The following TUSC3 variants were observed in gnomAD, a reference collection of about 807,000 sequenced individuals.
TUSC3 encodes the protein dolichyl-diphosphooligosaccharide--protein glycosyltransferase subunit TUSC3.
A neutral mutation model predicts 44.8 loss-of-function variants in TUSC3; 45 were observed. The ratio of observed to expected loss-of-function variants is 1.00; its 90% CI spans 0.79 to 1.29. TUSC3 has a LOEUF of 1.29. Ranked by LOEUF, TUSC3 falls within the 50% of genes most tolerant of loss-of-function variation. The pLI is 0.00. For synonymous variants in TUSC3, 212 were observed against 152.9 expected (o/e 1.39, Z -2.85); for missense variants, 519 against 437.9 (o/e 1.19, Z -1.65).
intron 7 of TUSC3, among the ~76,000 whole-genome samples, chr8:15,735,902 G>A (rs1205988055): frequency 1.1e-5 from 1 of 87,804 alleles, no homozygotes; most frequent in South Asian, 3.1e-4. Flanking sequence ...GTTTTTTTTT[G>A]TATTTTTAGT....
chr8:15,568,931 A>G (rs927854899), intron 1 of TUSC3, among the ~76,000 whole-genome samples: 2 of 151,952 alleles, frequency 1.3e-5, no homozygotes, highest in East Asian at 1.9e-4. Context: ...TTTTCTGGCA[A>G]GGCACATTGG....
At chr8:15,425,880 G>A (rs1186814339) in intron 1 of TUSC3, among the ~76,000 whole-genome samples, 1 of 152,108 alleles carries the variant, frequency 6.6e-6, no homozygotes, top group African/African-American at 2.4e-5. Context: ...GACAAGTGTG[G>A]TAGCTCATGC....
intron 2 of TUSC3, among the ~76,000 whole-genome samples, chr8:15,514,091 A>G (rs1801179012): frequency 6.6e-6 from 1 of 152,196 alleles, no homozygotes; most frequent in Non-Finnish European, 1.5e-5. Context: ...CCAAATATGC[A>G]TTAACAAAGA....
rs1265955548 is a variant in TUSC3 at position 15,423,984 on chromosome 8, T to G, written n.91+6679T>G. ...GTTTTGCTTTGTTTTTTTTTTTTTT[T>G]TTTTTTTTTTTTTTTTTTTTTTTGA... On this transcript the variant is annotated intron_variant and non_coding_transcript_variant, in intron 1 of 5. Transcript: ENST00000503191. 7.5e-4 allele frequency among the ~76,000 whole-genome samples: 94 copies of G among 126,064 alleles called. 7 individuals are homozygous for G. Among genetic ancestry groups the G allele is most frequent in the African/African-American group, 1.5e-3 (54 of 35,108 alleles). 82.7% of individuals were successfully genotyped at this position (126,064 alleles called of 152,430 possible).
chr8:15,584,197 A>G (rs1291975803), intron 1 of TUSC3, among the ~76,000 whole-genome samples: 1 of 152,184 alleles, frequency 6.6e-6, no homozygotes, highest in Admixed American at 6.5e-5. Context: ...GGTTAATTTG[A>G]GTAATTAGAG....
chr8:15,598,769 G>A (rs1804167100), intron 1 of TUSC3, among the ~76,000 whole-genome samples: 1 of 151,698 alleles, frequency 6.6e-6, no homozygotes, highest in Admixed American at 6.6e-5. Context: ...TTCATGGTTT[G>A]ATAGCTCATT....
At chr8:15,467,698 A>G (rs1800431746) in intron 1 of TUSC3, among the ~76,000 whole-genome samples, 1 of 152,152 alleles carries the variant, frequency 6.6e-6, no homozygotes. Context: ...CTTTGAATGT[A>G]TTCCTTCTTA....
At chr8:15,513,152 C>G (rs1801165438) in intron 2 of TUSC3, among the ~76,000 whole-genome samples, 1 of 151,424 alleles carries the variant, frequency 6.6e-6, no homozygotes, top group African/African-American at 2.4e-5. Flanking sequence ...AGTGTGACAT[C>G]ATATACAAAA....
chr8:15,652,142 A>G (rs1167834317), intron 3 of TUSC3, among the ~76,000 whole-genome samples: 1 of 152,152 alleles, frequency 6.6e-6, no homozygotes, highest in Non-Finnish European at 1.5e-5. Flanking sequence ...TGATCAATCT[A>G]TTTAAAATGC....
At chr8:15,611,167 T>C (rs1394811878) in intron 1 of TUSC3, among the ~76,000 whole-genome samples, 2 of 152,320 alleles carry the variant, frequency 1.3e-5, no homozygotes, top group East Asian at 3.9e-4. Flanking sequence ...ATCAAATATT[T>C]CAAAGAACTT....
At chr8:15,440,470 G>T (rs1486763330) in intron 1 of TUSC3, among the ~76,000 whole-genome samples, 1 of 152,120 alleles carries the variant, frequency 6.6e-6, no homozygotes, top group Non-Finnish European at 1.5e-5. Flanking sequence ...GAGAATAACA[G>T]AACTAATTTT....
intron 1 of TUSC3, among the ~76,000 whole-genome samples, chr8:15,546,898 A>G (rs1801888461): frequency 6.6e-6 from 1 of 151,548 alleles, no homozygotes; most frequent in South Asian, 2.1e-4. Flanking sequence ...CCTGCCTCCC[A>G]GTTGGCCTGT....
chr8:15,779,472 A>AGGAG, the TUSC3 span, among the ~76,000 whole-genome samples: 27,733 of 152,068 alleles, frequency 0.18, 2,503 homozygotes, highest in East Asian at 0.26. Context: ...CAAAAGCTGA[A>AGGAG]GGAGTATTGA....
chr8:15,808,138 C>A, the TUSC3 span, among the ~76,000 whole-genome samples: 1 of 152,050 alleles, frequency 6.6e-6, no homozygotes, highest in South Asian at 2.1e-4. Flanking sequence ...ATTAGGGAAG[C>A]TTTGTTTTCT....
chr8:15,655,333 G>A (rs1048492532), intron 3 of TUSC3, among the ~76,000 whole-genome samples: 2 of 152,024 alleles, frequency 1.3e-5, no homozygotes, highest in East Asian at 1.9e-4. Context: ...CCTTCCTCGC[G>A]GAACACTCCA....
At chr8:15,441,227 C>T (rs1003290176) in intron 1 of TUSC3, among the ~76,000 whole-genome samples, 1 of 152,208 alleles carries the variant, frequency 6.6e-6, no homozygotes, top group Non-Finnish European at 1.5e-5. Flanking sequence ...GTCAACATGA[C>T]GAAACCCCGT....
chr8:15,482,442 A>T (rs75917937), intron 1 of TUSC3, among the ~76,000 whole-genome samples: 3,382 of 152,328 alleles, frequency 0.022, 140 homozygotes, highest in African/African-American at 0.077. Flanking sequence ...GTTATGAATG[A>T]TAGCACACCT....
intron 3 of TUSC3, among the ~76,000 whole-genome samples, chr8:15,655,656 C>G (rs1209197715): frequency 6.6e-6 from 1 of 152,222 alleles, no homozygotes; most frequent in Non-Finnish European, 1.5e-5. Context: ...GTCTCTAACT[C>G]TGCTTTATAA....
intron 7 of TUSC3, among the ~76,000 whole-genome samples, chr8:15,741,308 C>A (rs756628264): frequency 6.6e-6 from 1 of 152,104 alleles, no homozygotes; most frequent in Non-Finnish European, 1.5e-5. Context: ...ATTCATTAAT[C>A]GAATTGAGGA....
Sources: allele counts gnomAD v4.1 joint callset (sites outside exome capture counted in the v4.1 genomes callset), GRCh38; gene constraint gnomAD v4.1.1; transcripts MANE v1.5; gene names NCBI Gene and HGNC (gene_info 2026-07-23, HGNC 2026-07-21).